GPC2: variants seen among roughly 807,000 people sequenced by gnomAD.
The protein encoded by GPC2 is glypican-2.
In GPC2, 42 loss-of-function variants were observed where a neutral mutation model predicts 57.3. That is an observed-to-expected ratio of 0.73 (90% confidence interval 0.57 to 0.95). The LOEUF is 0.95. Ranked by LOEUF, GPC2 falls within the 40% of genes least tolerant of loss-of-function variation. GPC2 has a pLI of 0.00. For synonymous variants in GPC2, 364 were observed against 343.4 expected (o/e 1.06, Z -0.66); for missense variants, 745 against 793.6 (o/e 0.94, Z 0.74).
In GPC2 at chr7:100,170,061, C is replaced by A; in HGVS notation, c.*169G>T. On this transcript the variant is annotated 3_prime_UTR_variant, in exon 10 of 10. Transcript: ENST00000292377. ...ATGAAAAAATAAATATTGTGAACAC[C>A]CACCCACCTCTGATGAAAATCTCCT... 1 of 561,422 alleles carries A rather than the reference C, an allele frequency of 1.8e-6. No individual in the cohort carries two copies. The highest frequency in any genetic ancestry group is 3.0e-6 in the Non-Finnish European group (1 of 328,438). 34.8% of individuals were successfully genotyped at this position (561,422 alleles called of 1,614,324 possible). A position where few individuals can be genotyped will look rare whatever the true frequency, so the allele number is the denominator to read the frequency against.
rs774176070 is a variant in GPC2 at position 100,174,759 on chromosome 7, G to A, written c.655C>T (p.Arg219Trp). The change falls in exon 4 of 10, where the codon CGG (arginine) becomes TGG (tryptophan). Residue 219 changes from arginine (R) to tryptophan (W), a missense_variant. Physicochemically the swap from Arg to Trp is moderately radical, Grantham distance 101 (BLOSUM62 -3). Coordinates refer to ENST00000292377, the MANE Select transcript of GPC2 (RefSeq NM_152742.3). ...AAGGCTCGGGCAGCCACCAGGGTCC[G>A]GGTTATCTGGGAGAAGGCAAAGAAG... is the stretch of plus-strand genomic sequence containing the variant. ...SPRRLRLQIT[R>W]TLVAARAFVQ... The A allele has an allele frequency of 8.1e-6, 13 of 1,613,704 alleles. No homozygotes were observed. The highest frequency in any genetic ancestry group is 2.2e-5 in the East Asian group (1 of 44,880).
At position 100,173,845 on chromosome 7, in the gene GPC2, G is replaced by T. The variant is rs199803097; in HGVS notation, c.882C>A (p.Gly294=). 1.9e-6 allele frequency: 3 copies of T among 1,565,672 alleles called. No individual in the cohort carries two copies. The highest frequency in any genetic ancestry group is 1.7e-6 in the Non-Finnish European group (2 of 1,156,414). The change falls in exon 5 of 10, where the codon GGC becomes GGA. Residue 294 remains glycine, a synonymous_variant. Coordinates refer to ENST00000292377, the MANE Select transcript of GPC2 (RefSeq NM_152742.3). The stretch of plus-strand genomic sequence containing the variant: ...CTTGAATCCCCTCACCCAGATAGTT[G>T]CCCCAGTCAGGCTCCAGTCCCCTGC... The part of the protein sequence containing the change: ...LSSRGLEPDW[G]NYLDGLLILA...
At chr7:100,174,043 G>C (rs984171360) in intron 4 of GPC2, 46 bp from the exon 5 acceptor site, 45 of 1,456,434 alleles carry the variant, frequency 3.1e-5, no homozygotes, top group Non-Finnish European at 4.1e-5. Flanking sequence ...CGCTGTGGCT[G>C]CTCTCAGCCT....
Position 100,172,187 on chromosome 7 carries a change from T to G in GPC2, c.923A>C (p.Gln308Pro), listed in dbSNP as rs1347871154. Reference protein sequence around the residue: ...DGLLILADKLQGPFSFELTAE... With the variant: ...DGLLILADKLPGPFSFELTAE... ...CGTCAGCTCAAAGGAAAAGGGGCCC[T>G]GGAGCTTATCAGCCAGGATCAGGAG... The change falls in exon 6 of 10, where the codon CAG becomes CCG. Residue 308 changes from glutamine to proline, a missense_variant. Physicochemically the swap from Gln to Pro is moderately conservative, Grantham distance 76. This residue lies in a region of GPC2 where 607 missense variants were observed against 603.9 expected (regional missense o/e 1.01). Transcript: ENST00000292377. The G allele has an allele frequency of 3.1e-6, 5 of 1,613,772 alleles. No homozygotes were observed. Among genetic ancestry groups the G allele is most frequent in the Non-Finnish European group, 3.4e-6 (4 of 1,179,886 alleles).
rs1391460995 is a variant in GPC2 at position 100,171,277 on chromosome 7, C to T, written c.1470G>A (p.Leu490=). 3.9e-6 allele frequency: 6 copies of T among 1,535,354 alleles called. No homozygotes were observed. Among genetic ancestry groups the T allele is most frequent in the Middle Eastern group, 1.9e-4 (1 of 5,178 alleles). The change falls in exon 9 of 10, where the codon CTG becomes CTA. Residue 490 remains leucine (L), a synonymous_variant. Coordinates refer to ENST00000292377, the MANE Select transcript of GPC2 (RefSeq NM_152742.3). This position sits in a 1 kb window ranked among gnomAD's most constrained non-coding sequence, Gnocchi z 4.8. ...GGGTCTCACCCGCGTCCTGCCCGTCCAGGTCGTGTCCCAGTGCGGCCGTTT... is the reference window on the plus strand; with the variant it reads ...GGGTCTCACCCGCGTCCTGCCCGTCTAGGTCGTGTCCCAGTGCGGCCGTTT... ...RMKTAALGHD[L]DGQDADEDAS...
At chr7:100,174,591 T>G (rs1799237414) in intron 4 of GPC2, 94 bp downstream of exon 4, 2 of 899,540 alleles carry the variant, frequency 2.2e-6, no homozygotes, top group Non-Finnish European at 3.6e-6. Flanking sequence ...CCAAGGCCTG[T>G]CCTGCTGGCT....
Position 100,172,158 on chromosome 7 carries a change from C to G in GPC2, c.952G>C (p.Glu318Gln), listed in dbSNP as rs1487653615. The change falls in exon 6 of 10, where the codon GAG becomes CAG. Residue 318 changes from glutamate (E) to glutamine (Q), a missense_variant. Physicochemically the swap from Glu to Gln is conservative, Grantham distance 29. Coordinates refer to ENST00000292377, the MANE Select transcript of GPC2 (RefSeq NM_152742.3). Reference sequence around the variant, plus strand: ...TCCGAGATCTTCACCCCAATGGACTCGGCCGTCAGCTCAAAGGAAAAGGGG... The same window carrying G: ...TCCGAGATCTTCACCCCAATGGACTGGGCCGTCAGCTCAAAGGAAAAGGGG... ...QGPFSFELTA[E>Q]SIGVKISEGL... The G allele has an allele frequency of 3.1e-6, 5 of 1,613,972 alleles. No individual in the cohort carries two copies. The highest frequency in any genetic ancestry group is 4.2e-6 in the Non-Finnish European group (5 of 1,179,984).
chr7:100,176,303 G>A lies in GPC2; in HGVS notation c.229C>T (p.Leu77=). The change falls in exon 2 of 10, where the codon CTG becomes TTG. Residue 77 remains leucine (L), a synonymous_variant. Coordinates refer to ENST00000292377, the MANE Select transcript of GPC2 (RefSeq NM_152742.3). ...TCCSSETEQR[L]IRETEATFRG... is the part of the protein sequence containing the mutation. ...AAGGTGGCCTCAGTCTCCCTGATCA[G>A]CCTCTGCTCTGTCTCACTGGAACAG... 6.2e-7 allele frequency: 1 copy of A among 1,614,076 alleles called. No individual in the cohort carries two copies. The highest frequency in any genetic ancestry group is 2.2e-5 in the East Asian group (1 of 44,884).
At chr7:100,175,509 G>T in intron 3 of GPC2, 63 bp downstream of exon 3, 1 of 1,328,654 alleles carries the variant, frequency 7.5e-7, no homozygotes, top group Non-Finnish European at 1.0e-6. Context: ...GGAGGTGAGT[G>T]GTGCACAGTT....
In GPC2 at chr7:100,170,023, C is replaced by A. The variant is rs1799149860; in HGVS notation, c.*207G>T. 2.0e-6 allele frequency: 1 copy of A among 503,786 alleles called. No homozygotes were observed. The highest frequency in any genetic ancestry group is 2.0e-5 in the African/African-American group (1 of 51,054). The allele number at this position is 503,786 out of a possible 1,614,324, so 31.2% of individuals were successfully genotyped here. ...CCTAAATAAATACCCCCAGGCCCCC[C>A]TCCCATTACCAAATGAAAAAATAAA... On this transcript the variant is annotated 3_prime_UTR_variant, in exon 10 of 10. Transcript: ENST00000292377.
In GPC2 at chr7:100,171,587, T is replaced by A; in HGVS notation, c.1262A>T (p.Asp421Val). ...TVCGDSRMAA[D>V]ASLEAAPCWT... ...GCAGGGCGCCGCCTCCAGCGAGGCG[T>A]CCGCTGCCATGCGAGAGTCTCCGCA... Residue 421 changes from aspartate (D) to valine (V), a missense_variant, in exon 8 of 10, where the codon GAC becomes GTC. Physicochemically the swap from Asp to Val is radical, Grantham distance 152. This residue lies in a region of GPC2 where 607 missense variants were observed against 603.9 expected (regional missense o/e 1.01). Transcript: ENST00000292377. This position sits in a 1 kb window ranked among gnomAD's most constrained non-coding sequence, Gnocchi z 4.8. The A allele has an allele frequency of 6.6e-7, 1 of 1,512,888 alleles. No homozygotes were observed. The highest frequency in any genetic ancestry group is 8.8e-7 in the Non-Finnish European group (1 of 1,142,690). The allele number at this position is 1,512,888 out of a possible 1,614,324, so 93.7% of individuals were successfully genotyped here.
chr7:100,174,637 T>C, intron 4 of GPC2, 48 bp downstream of exon 4: 2 of 1,407,738 alleles, frequency 1.4e-6, no homozygotes, highest in Non-Finnish European at 1.0e-6. Flanking sequence ...CTCTCTCACT[T>C]CCACCTCTCC....
chr7:100,174,348 C>T (rs1211186667), intron 4 of GPC2: 1 of 520,608 alleles, frequency 1.9e-6, no homozygotes, highest in East Asian at 3.5e-5. Context: ...GGCATCTGGC[C>T]TTCAGCAGCA....
At chr7:100,170,578 G>A (rs1584629006) in intron 9 of GPC2, 95 bp from the exon 10 acceptor site, 3 of 1,194,978 alleles carry the variant, frequency 2.5e-6, no homozygotes, top group Admixed American at 3.3e-5. Flanking sequence ...GAAAGAGAGA[G>A]GAAAGGGAGG....
rs1479738998 is a variant in GPC2 at position 100,170,185 on chromosome 7, G to C, written c.*45C>G. On this transcript the variant is annotated 3_prime_UTR_variant, in exon 10 of 10. Coordinates refer to ENST00000292377, the MANE Select transcript of GPC2 (RefSeq NM_152742.3). ...CAGGCCCAGCTGAGGGGGGAGGAGG[G>C]GAAAGGGCCATGAACCCTTCTGATG... 1 of 1,497,928 alleles carries C rather than the reference G, an allele frequency of 6.7e-7. No homozygotes were observed. Among genetic ancestry groups the C allele is most frequent in the East Asian group, 2.5e-5 (1 of 39,552 alleles). 92.8% of individuals were successfully genotyped at this position (1,497,928 alleles called of 1,614,324 possible).
At position 100,170,498 on chromosome 7, in the gene GPC2, A is replaced by G; in HGVS notation, c.1487-15T>C. On this transcript the variant is annotated splice_polypyrimidine_tract_variant and intron_variant, in intron 9 of 9. Coordinates refer to ENST00000292377, the MANE Select transcript of GPC2 (RefSeq NM_152742.3). ...GGCATCCTCATCTGCAAGGAAGAAG[A>G]GGGACAGAGCAGGATGGGAGGGAGA... is the stretch of plus-strand genomic sequence containing the variant. 1 of 1,507,130 alleles carries G rather than the reference A, an allele frequency of 6.6e-7. No individual in the cohort carries two copies. Among genetic ancestry groups the G allele is most frequent in the Non-Finnish European group, 8.9e-7 (1 of 1,124,962 alleles). 93.4% of individuals were successfully genotyped at this position (1,507,130 alleles called of 1,614,324 possible).
intron 5 of GPC2, among the ~76,000 whole-genome samples, chr7:100,172,888 CA>C (rs369558516): frequency 2.0e-4 from 28 of 140,256 alleles, no homozygotes; most frequent in Non-Finnish European, 1.1e-4. Flanking sequence ...GTCTTTGTCT[CA>C]AAAAAAAAAG....
rs1294334365 is a variant in GPC2, at chr7:100,171,660, G to A, written c.1189C>T (p.Arg397Cys). 2.0e-6 allele frequency: 3 copies of A among 1,506,146 alleles called. No individual in the cohort carries two copies. The highest frequency in any genetic ancestry group is 2.6e-6 in the Non-Finnish European group (3 of 1,138,068). The allele number at this position is 1,506,146 out of a possible 1,614,324, so 93.3% of individuals were successfully genotyped here. A position where few individuals can be genotyped will look rare whatever the true frequency, so the allele number is the denominator to read the frequency against. ...CAGAAGCCCCGCATCCGGGCCAGAC[G>A]CTCGCGGAGCTCCCACACCTGGGCG... The part of the protein sequence containing the change: ...LHRLVWELRE[R>C]LARMRGFWAR... Residue 397 changes from arginine to cysteine, a missense_variant, in exon 8 of 10, where the codon CGT (arginine) becomes TGT (cysteine). By Grantham distance (180) the Arg-to-Cys change is radical (BLOSUM62 -3). Around this residue, in one of 2 missense-constraint regions of GPC2, gnomAD observed 607 missense variants for 603.9 expected, o/e 1.01. Transcript: ENST00000292377. This position sits in a 1 kb window ranked among gnomAD's most constrained non-coding sequence, Gnocchi z 4.8.
Position 100,170,110 on chromosome 7 carries a change from C to T in GPC2, c.*120G>A, listed in dbSNP as rs1042929742. On this transcript the variant is annotated 3_prime_UTR_variant, in exon 10 of 10. Transcript: ENST00000292377. ...CTGGATTTGGGGCCCCAGCCATTCA[C>T]CTGCAAAGTCCCTTCTCTACCCTCT... 4.5e-5 allele frequency: 47 copies of T among 1,052,324 alleles called. No homozygotes were observed. In the Admixed American group the frequency reaches 8.4e-4, roughly 19 times the overall value. The allele number at this position is 1,052,324 out of a possible 1,614,324, so 65.2% of individuals were successfully genotyped here.
Sources: gnomAD v4.1 joint callset for allele counts (sites outside exome capture counted in the v4.1 genomes callset) on GRCh38, gnomAD v4.1.1 for gene constraint, gnomAD v4.1.1 regional missense constraint, Gnocchi (gnomAD v3.1) non-coding constraint, MANE v1.5 for transcripts, NCBI Gene and HGNC (gene_info 2026-07-23, HGNC 2026-07-21) for gene names.